SAMD5: variants seen among roughly 807,000 people sequenced by gnomAD.
SAMD5 encodes sterile alpha motif domain-containing protein 5.
A neutral mutation model predicts 11.3 loss-of-function variants in SAMD5; 13 were observed. That is an observed-to-expected ratio of 1.15 (90% confidence interval 0.75 to 1.83). The LOEUF is 1.83. SAMD5 is among the 40% of genes most tolerant of loss of function. The pLI is 0.00. For missense variants in SAMD5, 255 were observed against 239.1 expected (o/e 1.07, Z -0.44); for synonymous variants, 129 against 111.3 (o/e 1.16, Z -1.00).
chr6:147,557,194 T>A (rs1380722870), intron 1 of SAMD5, among the ~76,000 whole-genome samples: 1 of 152,230 alleles, frequency 6.6e-6, no homozygotes, highest in Non-Finnish European at 1.5e-5. Flanking sequence ...TAAATAAGCA[T>A]CATGCATAAC....
chr6:147,837,878 T>C, the SAMD5 span, among the ~76,000 whole-genome samples: 1 of 152,154 alleles, frequency 6.6e-6, no homozygotes, highest in Non-Finnish European at 1.5e-5. Flanking sequence ...ATGAAGTCTC[T>C]AAACATGAGA....
chr6:147,901,576 G>A, the SAMD5 span, among the ~76,000 whole-genome samples: 2 of 151,962 alleles, frequency 1.3e-5, no homozygotes, highest in African/African-American at 4.8e-5. Context: ...TTTGGATGTG[G>A]CCATTTCTAT....
the SAMD5 span, among the ~76,000 whole-genome samples, chr6:147,870,976 T>C: frequency 0.026 from 3,919 of 152,260 alleles, 55 homozygotes; most frequent in African/African-American, 0.034. Flanking sequence ...GGTTTGGGAT[T>C]AGGGGTAGCT....
At chr6:147,875,298 G>C in the SAMD5 span, among the ~76,000 whole-genome samples, 1 of 152,080 alleles carries the variant, frequency 6.6e-6, no homozygotes, top group Non-Finnish European at 1.5e-5. Context: ...ACCCAGCAGA[G>C]TTCTAGTTAC....
the SAMD5 span, among the ~76,000 whole-genome samples, chr6:147,751,928 A>G: frequency 2.0e-5 from 3 of 152,194 alleles, no homozygotes; most frequent in Non-Finnish European, 4.4e-5. Context: ...AAATCTGGTA[A>G]TATAGTAATA....
At chr6:147,583,215 T>C (rs1341430093) in intron 1 of SAMD5, among the ~76,000 whole-genome samples, 1 of 152,186 alleles carries the variant, frequency 6.6e-6, no homozygotes, top group Non-Finnish European at 1.5e-5. Context: ...CTGAAGGGAA[T>C]TGTTGCTAAA....
At chr6:147,678,169 TCTC>T (rs1268948202) in intron 1 of SAMD5, among the ~76,000 whole-genome samples, 3 of 152,204 alleles carry the variant, frequency 2.0e-5, no homozygotes, top group Non-Finnish European at 1.5e-5. Flanking sequence ...ACTCTTATCT[TCTC>T]GTTTGCACAT....
At chr6:147,813,518 C>T in the SAMD5 span, among the ~76,000 whole-genome samples, 1 of 152,060 alleles carries the variant, frequency 6.6e-6, no homozygotes, top group East Asian at 1.9e-4. Context: ...TAATATTGCC[C>T]TTTGACAGAT....
the SAMD5 span, among the ~76,000 whole-genome samples, chr6:147,865,626 C>T: frequency 6.6e-6 from 1 of 152,110 alleles, no homozygotes; most frequent in Non-Finnish European, 1.5e-5. Flanking sequence ...GTGATGCTTT[C>T]CTGACATTTT....
At chr6:147,753,885 T>C in the SAMD5 span, among the ~76,000 whole-genome samples, 1 of 152,188 alleles carries the variant, frequency 6.6e-6, no homozygotes, top group African/African-American at 2.4e-5. Flanking sequence ...TGACAGCATC[T>C]ATTTCTTTTT....
rs572804610 is a variant in SAMD5 at position 147,511,782 on chromosome 6, TG to T, written c.459+2396del. 6.6e-5 allele frequency among the ~76,000 whole-genome samples: 10 copies of T among 152,352 alleles called. 1 individual carries two copies. In the South Asian group the frequency reaches 1.9e-3, roughly 28 times the overall value. ...CAGATCACGTTGATCATTCTGGATT[TG>T]TTGCTTATATGTGCATTGCCTCTTA... On this transcript the variant is annotated intron_variant, in intron 1 of 1. Transcript: ENST00000367474.
rs915607620 is a variant in SAMD5, at chr6:147,556,097, A to T, written c.460-8297A>T. On this transcript the variant is annotated intron_variant, in intron 1 of 1. Transcript: ENST00000367474. ...TAATGCATTTACTAGTGTTATTATT[A>T]TTTTTTTTTTTTTGAGATGGAGTCT... Among the ~76,000 whole-genome samples, 18 of 146,586 alleles carry T rather than the reference A, an allele frequency of 1.2e-4. No individual in the cohort carries two copies. In the South Asian group the frequency reaches 1.7e-3, roughly 14 times the overall value.
intron 1 of SAMD5, among the ~76,000 whole-genome samples, chr6:147,633,368 G>A (rs778985318): frequency 6.6e-6 from 1 of 152,036 alleles, no homozygotes; most frequent in Non-Finnish European, 1.5e-5. Flanking sequence ...GGCTCTTTTG[G>A]GCTGCGGTTT....
At chr6:147,577,063 G>T (rs1165604299) in intron 1 of SAMD5, among the ~76,000 whole-genome samples, 2 of 152,168 alleles carry the variant, frequency 1.3e-5, no homozygotes, top group African/African-American at 4.8e-5. Context: ...AAACCAGTAG[G>T]CAGCTTCATA....
chr6:147,676,912 G>A (rs1053449388), intron 1 of SAMD5, among the ~76,000 whole-genome samples: 5 of 151,878 alleles, frequency 3.3e-5, no homozygotes, highest in African/African-American at 1.2e-4. Context: ...GGGAGTGAGA[G>A]TAAGAAATGA....
the SAMD5 span, among the ~76,000 whole-genome samples, chr6:147,870,517 A>C: frequency 6.6e-6 from 1 of 150,690 alleles, no homozygotes; most frequent in African/African-American, 2.4e-5. Context: ...TTAATACAGC[A>C]TCATAATTAT....
At chr6:147,807,195 G>A in the SAMD5 span, among the ~76,000 whole-genome samples, 1 of 152,026 alleles carries the variant, frequency 6.6e-6, no homozygotes, top group Non-Finnish European at 1.5e-5. Context: ...CGCCTCCCAG[G>A]TTCATGCCAT....
the SAMD5 span, among the ~76,000 whole-genome samples, chr6:147,814,279 CAT>C: frequency 6.6e-6 from 1 of 152,110 alleles, no homozygotes; most frequent in African/African-American, 2.4e-5. Flanking sequence ...AATGAAAAGA[CAT>C]AAATATTTAC....
At chr6:147,919,778 T>A in the SAMD5 span, among the ~76,000 whole-genome samples, 3 of 152,222 alleles carry the variant, frequency 2.0e-5, no homozygotes, top group Non-Finnish European at 4.4e-5. Flanking sequence ...ATTCAAGGGA[T>A]GTAAAATCAT....
Sources: gnomAD v4.1 joint callset for allele counts (sites outside exome capture counted in the v4.1 genomes callset) on GRCh38, gnomAD v4.1.1 for gene constraint, MANE v1.5 for transcripts, NCBI Gene and HGNC (gene_info 2026-07-23, HGNC 2026-07-21) for gene names.